TRPM3: variants seen among roughly 807,000 people sequenced by gnomAD.
The protein encoded by TRPM3 is transient receptor potential cation channel subfamily M member 3.
A neutral mutation model predicts 181.2 loss-of-function variants in TRPM3; 77 were observed. That is an observed-to-expected ratio of 0.42 (90% CI 0.35 to 0.51). The LOEUF (loss-of-function observed/expected upper bound fraction) is 0.51. Ranked by LOEUF, TRPM3 falls within the 20% of genes least tolerant of loss-of-function variation. The probability of loss-of-function intolerance (pLI) is 0.01; values close to 1 mark genes in which losing one functional copy is unlikely to be tolerated. For synonymous variants in TRPM3, 745 were observed against 796.4 expected, an observed-to-expected ratio of 0.94 and a Z score of 1.09; for missense variants, 1,759 against 2,196.7, an observed-to-expected ratio of 0.80 and a Z score of 3.98.
intron 1 of TRPM3, among the ~76,000 whole-genome samples, chr9:71,083,435 T>C (rs1465038811): frequency 1.3e-5 from 2 of 152,172 alleles, no homozygotes; most frequent in East Asian, 3.9e-4. Context: ...GCCAGTCCTC[T>C]TCCCGATCCT....
chr9:70,931,835 CT>C (rs2096778401), intron 1 of TRPM3, among the ~76,000 whole-genome samples: 1 of 152,192 alleles, frequency 6.6e-6, no homozygotes, highest in Admixed American at 6.5e-5. Flanking sequence ...TGTTTAAAGA[CT>C]TTCTAAACTC....
chr9:70,973,713 A>G (rs1022687845), intron 1 of TRPM3, among the ~76,000 whole-genome samples: 5 of 152,240 alleles, frequency 3.3e-5, no homozygotes, highest in African/African-American at 1.2e-4. Context: ...TGACCTGGCT[A>G]TTAAACATCA....
intron 6 of TRPM3, among the ~76,000 whole-genome samples, chr9:70,802,614 T>A (rs2131251546): frequency 6.6e-6 from 1 of 152,280 alleles, no homozygotes; most frequent in East Asian, 1.9e-4. Context: ...ATAAGCCAAT[T>A]TTTGATGCCT....
At chr9:70,807,192 T>C (rs1418743955) in intron 6 of TRPM3, among the ~76,000 whole-genome samples, 1 of 152,198 alleles carries the variant, frequency 6.6e-6, no homozygotes, top group Non-Finnish European at 1.5e-5. Context: ...CAATTATCAT[T>C]TTGAATAAAT....
chr9:71,214,870 A>G (rs1018097763), intron 1 of TRPM3, among the ~76,000 whole-genome samples: 2 of 152,052 alleles, frequency 1.3e-5, no homozygotes, highest in African/African-American at 4.8e-5. Flanking sequence ...AGGTCAAATG[A>G]AATAGTCTCT....
intron 1 of TRPM3, among the ~76,000 whole-genome samples, chr9:71,387,434 C>A (rs2132919035): frequency 6.6e-6 from 1 of 152,186 alleles, no homozygotes; most frequent in Non-Finnish European, 1.5e-5. Context: ...TCCTAAATAC[C>A]ACATCTTAAC....
chr9:71,197,338 C>T (rs2131702910), intron 1 of TRPM3, among the ~76,000 whole-genome samples: 1 of 152,230 alleles, frequency 6.6e-6, no homozygotes, highest in Non-Finnish European at 1.5e-5. Context: ...CATACGTGTG[C>T]ATGTGTCTTT....
At chr9:70,562,021 C>T (rs949852209) in intron 22 of TRPM3, among the ~76,000 whole-genome samples, 1 of 152,124 alleles carries the variant, frequency 6.6e-6, no homozygotes, top group Non-Finnish European at 1.5e-5. Flanking sequence ...AACAATGTAG[C>T]GTTTTTCATT....
chr9:70,738,764 A>C (rs2073336623), intron 8 of TRPM3, among the ~76,000 whole-genome samples: 4 of 152,208 alleles, frequency 2.6e-5, no homozygotes, highest in Admixed American at 2.6e-4. Context: ...GTGAGGATTC[A>C]AATAAGCTCA....
intron 1 of TRPM3, among the ~76,000 whole-genome samples, chr9:71,263,929 G>A (rs997143231): frequency 6.6e-6 from 1 of 152,104 alleles, no homozygotes; most frequent in Non-Finnish European, 1.5e-5. Context: ...ACAGGTGCAT[G>A]CTACCATGTC....
chr9:70,957,252 C>T (rs1199686784), intron 1 of TRPM3, among the ~76,000 whole-genome samples: 1 of 152,142 alleles, frequency 6.6e-6, no homozygotes, highest in Non-Finnish European at 1.5e-5. Context: ...GCATGAGCCA[C>T]TGCGCCTGGC....
intron 6 of TRPM3, chr9:70,810,036 T>A (rs759255446): frequency 7.5e-6 from 4 of 534,674 alleles, no homozygotes; most frequent in Non-Finnish European, 1.5e-5. Context: ...TTCTCAGGCA[T>A]AGGATGACAA....
chr9:70,855,253 T>C (rs2095356973), intron 3 of TRPM3, among the ~76,000 whole-genome samples: 1 of 152,148 alleles, frequency 6.6e-6, no homozygotes, highest in Non-Finnish European at 1.5e-5. Flanking sequence ...CAAAGGCTGA[T>C]TGGTGGGTGG....
At chr9:70,606,651 G>GTGTATA (rs145779027) in intron 19 of TRPM3, among the ~76,000 whole-genome samples, 2,211 of 140,642 alleles carry the variant, frequency 0.016, 34 homozygotes, top group Non-Finnish European at 0.022. Flanking sequence ...GTGTGTGTGT[G>GTGTATA]TATATATATA....
At chr9:70,774,016 G>A (rs2080868662) in intron 7 of TRPM3, 1 of 152,146 alleles carries the variant, frequency 6.6e-6, no homozygotes, top group Non-Finnish European at 1.5e-5. Flanking sequence ...TGCCTCAGCA[G>A]ACATTGTTAA....
intron 1 of TRPM3, among the ~76,000 whole-genome samples, chr9:71,416,789 C>T (rs1349518101): frequency 2.0e-5 from 3 of 151,854 alleles, no homozygotes; most frequent in Non-Finnish European, 4.4e-5. Flanking sequence ...CCATAAGATA[C>T]AGAAAGTTTT....
chr9:70,938,044 C>T (rs1378771141), intron 1 of TRPM3, among the ~76,000 whole-genome samples: 5 of 152,152 alleles, frequency 3.3e-5, no homozygotes, highest in Admixed American at 3.3e-4. Context: ...AGTTTGCTAA[C>T]CATTTTTCAG....
intron 1 of TRPM3, among the ~76,000 whole-genome samples, chr9:70,876,875 G>C (rs1422987213): frequency 2.0e-5 from 3 of 151,844 alleles, no homozygotes; most frequent in Non-Finnish European, 4.4e-5. Context: ...TACAAAAAAA[G>C]TTGAGAAGAA....
intron 1 of TRPM3, among the ~76,000 whole-genome samples, chr9:71,129,097 C>T (rs1036207121): frequency 7.2e-5 from 11 of 152,242 alleles, no homozygotes; most frequent in East Asian, 1.9e-4. Context: ...TAATGAAAAC[C>T]GTACTTGCTA....
Sources: gnomAD v4.1 joint callset for allele counts (sites outside exome capture counted in the v4.1 genomes callset) on GRCh38, gnomAD v4.1.1 for gene constraint, MANE v1.5 for transcripts, NCBI Gene and HGNC (gene_info 2026-07-23, HGNC 2026-07-21) for gene names.